The following NDRG2 variants were observed in gnomAD, a reference collection of about 807,000 sequenced individuals.
NDRG2 encodes the protein protein NDRG2.
In NDRG2, 34 loss-of-function variants were observed where a neutral mutation model predicts 58.2. The observed-to-expected ratio is 0.58, with a 90% CI of 0.44 to 0.78. NDRG2 has a LOEUF of 0.78. Among genes scored for constraint, NDRG2 ranks in the 30% least tolerant of loss-of-function variants. The pLI, the probability that NDRG2 is intolerant of heterozygous loss-of-function variation, is 0.00. For synonymous variants in NDRG2, 187 were observed against 175.9 expected (o/e 1.06, Z -0.50); for missense variants, 434 against 471.2 (o/e 0.92, Z 0.73).
upstream of NDRG2, chr14:21,025,569 G>A (rs1883448347): frequency 7.1e-6 from 7 of 985,460 alleles, no homozygotes; most frequent in Non-Finnish European, 8.4e-6. This position sits in a 1 kb window ranked among gnomAD's most constrained non-coding sequence, Gnocchi z 5.1. Context: ...CTGAGGAGGC[G>A]GGGGTCTCGC....
chr14:21,022,924 A>G lies in NDRG2; in HGVS notation c.76-19T>C. The G allele has an allele frequency of 3.1e-6, 5 of 1,614,008 alleles. No homozygotes were observed. The highest frequency in any genetic ancestry group is 4.2e-6 in the Non-Finnish European group (5 of 1,179,934). Reference sequence around the variant, plus strand: ...CAGCCTCCTGGAGAGACACACACGGATTCACACAGAAACACATGACCATGT... The same window carrying G: ...CAGCCTCCTGGAGAGACACACACGGGTTCACACAGAAACACATGACCATGT... On this transcript the variant is annotated intron_variant, in intron 2 of 15. Coordinates refer to ENST00000556147, the MANE Select transcript of NDRG2 (RefSeq NM_001320329.2).
chr14:21,070,391 C>G lies in NDRG2; in HGVS notation c.24+437G>C, dbSNP rs2139187121. 1.4e-6 allele frequency: 2 copies of G among 1,413,122 alleles called. No individual in the cohort carries two copies. Among genetic ancestry groups the G allele is most frequent in the African/African-American group, 3.0e-5 (2 of 66,168 alleles). The allele number at this position is 1,413,122 out of a possible 1,614,324, so 87.5% of individuals were successfully genotyped here. A position where few individuals can be genotyped will look rare whatever the true frequency, so the allele number is the denominator to read the frequency against. ...CCAAGCGTCGGACGCGGCCCGGCGC[C>G]GAGCCATGGTGAGTCCAGCGTCGCA... On this transcript the variant is annotated intron_variant, in intron 1 of 14. Coordinates refer to the NDRG2 transcript ENST00000403829. This position sits in a 1 kb window ranked among gnomAD's most constrained non-coding sequence, Gnocchi z 4.7.
At chr14:21,020,432 G>T in intron 8 of NDRG2, 64 bp downstream of exon 8, 4 of 1,333,464 alleles carry the variant, frequency 3.0e-6, no homozygotes, top group Admixed American at 3.7e-5. Flanking sequence ...ATCTACCAGA[G>T]CCTAACTGGA....
At chr14:21,033,200 G>A (rs1305206976) in intron 1 of NDRG2, 2 of 353,034 alleles carry the variant, frequency 5.7e-6, no homozygotes, top group African/African-American at 4.3e-5. Context: ...ACAGTCCTAG[G>A]CTCCATGGTA....
chr14:21,020,799 G>A lies in NDRG2; in HGVS notation c.453C>T (p.Ile151=), dbSNP rs1209870634. ...IGVGVGAGAY[I]LARYALNHPD... is the part of the protein sequence containing the mutation. ...TATTTCTTACAGCATATCTCGCCAG[G>A]ATGTAGGCTCCAGCTCCAACACCAA... The change falls in exon 7 of 16, where the codon ATC becomes ATT. Residue 151 remains isoleucine, a synonymous_variant. Coordinates refer to ENST00000556147, the MANE Select transcript of NDRG2 (RefSeq NM_001320329.2). 1.9e-6 allele frequency: 3 copies of A among 1,613,988 alleles called. No homozygotes were observed. The Admixed American group carries it at 5.0e-5, about 27-fold the overall frequency.
In NDRG2 at chr14:21,016,817, C is replaced by T. The variant is rs1226329237; in HGVS notation, c.*779G>A. The stretch of plus-strand genomic sequence containing the variant: ...TTGTTATAGCAGAAGTTGTGGGAGA[C>T]GGGAGGGCACCCTCCACACATACTA... On this transcript the variant is annotated 3_prime_UTR_variant, in exon 16 of 16. Coordinates refer to ENST00000556147, the MANE Select transcript of NDRG2 (RefSeq NM_001320329.2). The T allele has an allele frequency of 6.4e-5, 29 of 453,900 alleles. No individual in the cohort carries two copies. The highest frequency in any genetic ancestry group is 3.2e-4 in the Middle Eastern group (1 of 3,084). 28.1% of individuals were successfully genotyped at this position (453,900 alleles called of 1,614,324 possible).
intron 1 of NDRG2, chr14:21,033,712 C>G: frequency 1.2e-6 from 1 of 835,662 alleles, no homozygotes; most frequent in Non-Finnish European, 2.1e-6. Flanking sequence ...GGGAGGGGAC[C>G]CTGCCTGCCT....
At chr14:21,060,125 G>C (rs1427235427) in intron 1 of NDRG2, among the ~76,000 whole-genome samples, 1 of 152,172 alleles carries the variant, frequency 6.6e-6, no homozygotes, top group Non-Finnish European at 1.5e-5. Context: ...TTTGGAAAGA[G>C]AGTTTCCTAC....
At chr14:21,035,796 T>G (rs1884583663) in intron 1 of NDRG2, 1 of 456,242 alleles carries the variant, frequency 2.2e-6, no homozygotes, top group East Asian at 6.9e-5. Flanking sequence ...CAACTCAGTT[T>G]CCCTGGTTAC....
chr14:21,020,389 C>T (rs1879503326), intron 8 of NDRG2, 107 bp downstream of exon 8: 1 of 844,210 alleles, frequency 1.2e-6, no homozygotes, highest in Admixed American at 2.2e-5. Context: ...CCTTTACTCC[C>T]TCCTTGAAGT....
chr14:21,021,447 C>G (rs1211946677), intron 6 of NDRG2: 1 of 317,618 alleles, frequency 3.1e-6, no homozygotes, highest in Non-Finnish European at 6.1e-6. Context: ...TCCCCATCCA[C>G]CAGGTGTGGG....
At position 21,021,855 on chromosome 14, in the gene NDRG2, C is replaced by T; in HGVS notation, c.369G>A (p.Gln123=). The part of the protein sequence containing the change: ...PLGYQYPSLD[Q]LADMIPCVLQ... ...GGACGCAAGGGATCATGTCTGCAAG[C>T]TGGTCCAGAGATGGGTACTGATATC... The change falls in exon 6 of 16, where the codon CAG becomes CAA. Residue 123 remains glutamine (Q), a synonymous_variant. Transcript: ENST00000556147. 6.2e-7 allele frequency: 1 copy of T among 1,613,448 alleles called. No individual in the cohort carries two copies.
At chr14:21,061,264 A>C (rs1308324772) in intron 1 of NDRG2, among the ~76,000 whole-genome samples, 1 of 152,244 alleles carries the variant, frequency 6.6e-6, no homozygotes, top group Non-Finnish European at 1.5e-5. Flanking sequence ...AAGTTCAACC[A>C]TTCAATATCT....
At chr14:21,030,044 A>G (rs1883955079), upstream of NDRG2, 1 of 152,766 alleles carries the variant, frequency 6.5e-6, no homozygotes, top group Non-Finnish European at 1.5e-5. Flanking sequence ...AATGATGGAA[A>G]TGTGATCATC....
intron 1 of NDRG2, chr14:21,034,918 C>T (rs1451664962): frequency 6.6e-6 from 1 of 152,462 alleles, no homozygotes; most frequent in African/African-American, 2.4e-5. Flanking sequence ...CTTCCAATCT[C>T]CTTGCCAAAA....
intron 9 of NDRG2, 52 bp from the exon 10 acceptor site, chr14:21,019,794 TTA>T: frequency 6.6e-7 from 1 of 1,517,994 alleles, no homozygotes; most frequent in Non-Finnish European, 9.1e-7. Context: ...AAAACAACAA[TTA>T]CTGGAGGAAA....
At chr14:21,063,606 A>T (rs1886091311) in intron 1 of NDRG2, among the ~76,000 whole-genome samples, 1 of 152,164 alleles carries the variant, frequency 6.6e-6, no homozygotes, top group South Asian at 2.1e-4. Flanking sequence ...AGTCTGGAGG[A>T]TGGGAATGAC....
intron 1 of NDRG2, among the ~76,000 whole-genome samples, chr14:21,057,523 G>A (rs1451838492): frequency 6.6e-6 from 1 of 151,054 alleles, no homozygotes; most frequent in Non-Finnish European, 1.5e-5. Context: ...TAGGAGTTAG[G>A]GAACTTGAGA....
At chr14:21,044,779 T>G (rs1231160546) in intron 1 of NDRG2, among the ~76,000 whole-genome samples, 4 of 152,194 alleles carry the variant, frequency 2.6e-5, no homozygotes, top group African/African-American at 7.2e-5. Context: ...ATGCCTGTTC[T>G]ATTTCAAACC....
Sources: allele counts gnomAD v4.1 joint callset (sites outside exome capture counted in the v4.1 genomes callset), GRCh38; gene constraint gnomAD v4.1.1; non-coding constraint Gnocchi (gnomAD v3.1); transcripts MANE v1.5; gene names NCBI Gene and HGNC (gene_info 2026-07-23, HGNC 2026-07-21).